Variants in ARPC5L observed in about 807,000 individuals in gnomAD.
ARPC5L encodes the protein actin related protein 2/3 complex subunit 5 like.
Under a neutral mutation model 16.9 loss-of-function variants are expected in ARPC5L, and 4 were observed. The ratio of observed to expected loss-of-function variants is 0.24; its 90% CI spans 0.12 to 0.54. ARPC5L has a LOEUF of 0.54. Ranked by LOEUF, ARPC5L falls within the 20% of genes least tolerant of loss-of-function variation. The probability of loss-of-function intolerance (pLI) is 0.95; values close to 1 mark genes in which losing one functional copy is unlikely to be tolerated. For missense variants in ARPC5L, 151 were observed against 201.9 expected, an observed-to-expected ratio of 0.75 and a Z score of 1.53; for synonymous variants, 78 against 82.6, an observed-to-expected ratio of 0.94 and a Z score of 0.30.
intron 1 of ARPC5L, 28 bp downstream of exon 1, chr9:124,862,426 G>T (rs1022473407): frequency 6.4e-6 from 1 of 155,528 alleles, no homozygotes; most frequent in Admixed American, 6.5e-5. Context: ...TGGACGGGAG[G>T]GGCGGGCTCA....
At position 124,876,933 on chromosome 9, in the gene ARPC5L, C is replaced by CTGTT. The variant is rs1221333623; in HGVS notation, c.457_460dup (p.Ter154CysfsTer12). 6.2e-7 allele frequency: 1 copy of CTGTT among 1,611,584 alleles called. No homozygotes were observed. Among genetic ancestry groups the CTGTT allele is most frequent in the South Asian group, 1.1e-5 (1 of 90,624 alleles). ...ATAAGAGTTCTTACAGCAAGAAAGA[C>CTGTT]TGTTTAAAAAAAATAAAAAGACTCA... On this transcript the variant is annotated frameshift_variant, in exon 6 of 6. Transcript: ENST00000353214. LOFTEE classifies it high-confidence loss of function.
At chr9:124,863,897 A>G (rs1829236752) in intron 1 of ARPC5L, 91 bp from the exon 2 acceptor site, 1 of 152,244 alleles carries the variant, frequency 6.6e-6, no homozygotes, top group Non-Finnish European at 1.5e-5. Context: ...GACTTCTCCC[A>G]TCTCCTATGA....
chr9:124,863,045 G>A (rs1374492843), intron 1 of ARPC5L, among the ~76,000 whole-genome samples: 3 of 151,470 alleles, frequency 2.0e-5, no homozygotes, highest in African/African-American at 7.3e-5. Context: ...CTGTTGCCCA[G>A]GGTGGTCTCC....
intron 2 of ARPC5L, among the ~76,000 whole-genome samples, chr9:124,866,799 C>T (rs1192633655): frequency 2.0e-5 from 3 of 152,202 alleles, no homozygotes; most frequent in Non-Finnish European, 2.9e-5. Context: ...CACTGTCTGT[C>T]CCCTGGATGG....
In ARPC5L at chr9:124,873,684, T is replaced by C. The variant is rs1201253129; in HGVS notation, c.150-8T>C. The C allele has an allele frequency of 6.2e-7, 1 of 1,614,154 alleles. No homozygotes were observed. The highest frequency in any genetic ancestry group is 8.5e-7 in the Non-Finnish European group (1 of 1,180,030). ...GAGCCTAGCTATCCTTAACTGGTGGTGATGCACAGGGGACATGCTTCGGGC... is the reference window on the plus strand; with the variant it reads ...GAGCCTAGCTATCCTTAACTGGTGGCGATGCACAGGGGACATGCTTCGGGC... On this transcript the variant is annotated splice_polypyrimidine_tract_variant and splice_region_variant and intron_variant, in intron 3 of 5. Coordinates refer to ENST00000353214, the MANE Select transcript of ARPC5L (RefSeq NM_030978.3).
chr9:124,870,955 C>A (rs1588043335), intron 3 of ARPC5L, among the ~76,000 whole-genome samples: 1 of 152,192 alleles, frequency 6.6e-6, no homozygotes, highest in Non-Finnish European at 1.5e-5. Context: ...TCAGAAGCGT[C>A]AGAAACCTTG....
At position 124,875,818 on chromosome 9, in the gene ARPC5L, C is replaced by A. The variant is rs189020960; in HGVS notation, c.399+667C>A. 3.8e-3 allele frequency among the ~76,000 whole-genome samples: 586 copies of A among 152,322 alleles called. 5 individuals are homozygous for A. Among genetic ancestry groups the A allele is most frequent in the Middle Eastern group, 6.8e-3 (2 of 294 alleles). On this transcript the variant is annotated intron_variant, in intron 5 of 5. Coordinates refer to ENST00000353214, the MANE Select transcript of ARPC5L (RefSeq NM_030978.3). ...CACCATTAAAGCAGACCAGGAGTTACTAACCTGCCTGCCTTCCTCAGAGGC... is the reference window on the plus strand; with the variant it reads ...CACCATTAAAGCAGACCAGGAGTTAATAACCTGCCTGCCTTCCTCAGAGGC...
intron 2 of ARPC5L, among the ~76,000 whole-genome samples, chr9:124,867,160 G>C (rs1271626705): frequency 2.0e-5 from 1 of 50,998 alleles, no homozygotes; most frequent in African/African-American, 7.4e-5. Context: ...TTTTTTTTTT[G>C]AGATGGTATC....
intron 3 of ARPC5L, among the ~76,000 whole-genome samples, chr9:124,871,162 G>A (rs777384517): frequency 1.3e-5 from 2 of 152,192 alleles, no homozygotes; most frequent in Non-Finnish European, 2.9e-5. Flanking sequence ...GATGGATTGG[G>A]GTTGGGGAGG....
At chr9:124,866,641 C>G (rs1443970030) in intron 2 of ARPC5L, among the ~76,000 whole-genome samples, 3 of 152,108 alleles carry the variant, frequency 2.0e-5, no homozygotes, top group Non-Finnish European at 4.4e-5. Flanking sequence ...TTGCTTGAAC[C>G]CGGGAGGCAG....
chr9:124,876,224 C>T (rs994551640), intron 5 of ARPC5L, among the ~76,000 whole-genome samples: 6 of 152,078 alleles, frequency 3.9e-5, no homozygotes, highest in African/African-American at 1.2e-4. Context: ...GGTGGGCTCA[C>T]GCCTGTAATC....
In ARPC5L at chr9:124,877,192, T is replaced by C. The variant is rs1429853063; in HGVS notation, c.*252T>C. 2.2e-5 allele frequency: 10 copies of C among 446,882 alleles called. No individual in the cohort carries two copies. The highest frequency in any genetic ancestry group is 3.6e-5 in the Non-Finnish European group (9 of 250,786). 27.7% of individuals were successfully genotyped at this position (446,882 alleles called of 1,614,324 possible). On this transcript the variant is annotated 3_prime_UTR_variant, in exon 6 of 6. Transcript: ENST00000353214. ...CTGACATTTTGACGGTCTACCAGCG[T>C]GGCGGCTGGTGTTGGTCAGATGCAC... is the stretch of plus-strand genomic sequence containing the variant.
Position 124,869,196 on chromosome 9 carries a change from C to G in ARPC5L, c.-95C>G. On this transcript the variant is annotated 5_prime_UTR_variant, in exon 3 of 6. Coordinates refer to ENST00000353214, the MANE Select transcript of ARPC5L (RefSeq NM_030978.3). ...GGAGGTGCTGGGAGCAGCCGGGCAGCCGCTTCCCGCCCCCGAGCAGGAGCC... is the reference window on the plus strand; with the variant it reads ...GGAGGTGCTGGGAGCAGCCGGGCAGGCGCTTCCCGCCCCCGAGCAGGAGCC... 3 of 1,311,368 alleles carry G rather than the reference C, an allele frequency of 2.3e-6. No homozygotes were observed. In the African/African-American group the frequency reaches 4.7e-5, roughly 20 times the overall value. The allele number at this position is 1,311,368 out of a possible 1,614,324, so 81.2% of individuals were successfully genotyped here.
chr9:124,870,026 C>T (rs1829333543), intron 3 of ARPC5L, among the ~76,000 whole-genome samples: 1 of 152,184 alleles, frequency 6.6e-6, no homozygotes, highest in Non-Finnish European at 1.5e-5. Flanking sequence ...TCTCTTCCCC[C>T]AGTCAGTCTA....
intron 2 of ARPC5L, among the ~76,000 whole-genome samples, chr9:124,867,670 G>A (rs979791459): frequency 2.0e-5 from 3 of 152,080 alleles, no homozygotes; most frequent in Admixed American, 6.5e-5. Flanking sequence ...AGTTCCTTCT[G>A]ACCAGGATGT....
At chr9:124,871,089 A>G (rs1324971356) in intron 3 of ARPC5L, among the ~76,000 whole-genome samples, 1 of 152,186 alleles carries the variant, frequency 6.6e-6, no homozygotes, top group South Asian at 2.1e-4. Context: ...TTGAGTCTCT[A>G]TCATGTACCA....
At chr9:124,875,199 G>A (rs751121116) in intron 5 of ARPC5L, 48 bp downstream of exon 5, 27 of 1,588,884 alleles carry the variant, frequency 1.7e-5, no homozygotes, top group Non-Finnish European at 2.1e-5. Context: ...GGCTTGCCTT[G>A]GGGTTCGATC....
At chr9:124,866,658 C>T (rs1295085218) in intron 2 of ARPC5L, among the ~76,000 whole-genome samples, 1 of 152,090 alleles carries the variant, frequency 6.6e-6, no homozygotes, top group Non-Finnish European at 1.5e-5. Flanking sequence ...GCAGAGGTTG[C>T]GGTGAACTGA....
Position 124,865,315 on chromosome 9 carries a change from TAAAAAAAAAAAA to T in ARPC5L, c.-864+1218_-864+1229del, listed in dbSNP as rs11414499. On this transcript the variant is annotated intron_variant, in intron 2 of 5. Coordinates refer to ENST00000353214, the MANE Select transcript of ARPC5L (RefSeq NM_030978.3). ...TGGGTGACAAGAGGGAAACTCTGTC[TAAAAAAAAAAAA>T]AAAAAAAAAGGAAAGTCTAATGGTG... 2.2e-3 allele frequency among the ~76,000 whole-genome samples: 233 copies of T among 107,060 alleles called. 1 individual carries two copies. Among genetic ancestry groups the T allele is most frequent in the African/African-American group, 7.1e-3 (195 of 27,300 alleles). The allele number at this position is 107,060 out of a possible 152,430, so 70.2% of individuals were successfully genotyped here.
Sources: gnomAD v4.1 joint callset for allele counts (sites outside exome capture counted in the v4.1 genomes callset) on GRCh38, gnomAD v4.1.1 for gene constraint, MANE v1.5 for transcripts, NCBI Gene and HGNC (gene_info 2026-07-23, HGNC 2026-07-21) for gene names.